The following ELL2 variants were observed in gnomAD, a reference collection of about 807,000 sequenced individuals.
ELL2 encodes elongation factor for RNA polymerase II 2, also known as RNA polymerase II elongation factor ELL2.
Under a neutral mutation model 72.8 loss-of-function variants are expected in ELL2, and 21 were observed. The observed-to-expected ratio is 0.29, with a 90% confidence interval of 0.20 to 0.42. ELL2 has a LOEUF of 0.42. Among genes scored for constraint, ELL2 ranks in the 10% least tolerant of loss-of-function variants. ELL2 has a pLI of 1.00. For synonymous variants in ELL2, 266 were observed against 283.2 expected (o/e 0.94, Z 0.61); for missense variants, 568 against 772.8 (o/e 0.73, Z 3.14).
chr5:95,948,413 G>C (rs560682371), intron 1 of ELL2, among the ~76,000 whole-genome samples: 46 of 110,944 alleles, frequency 4.1e-4, no homozygotes, highest in South Asian at 1.3e-3. Flanking sequence ...CTGGGCAACA[G>C]AGCGAGACTC....
intron 3 of ELL2, among the ~76,000 whole-genome samples, chr5:95,915,006 A>G (rs1749732657): frequency 6.6e-6 from 1 of 152,232 alleles, no homozygotes; most frequent in South Asian, 2.1e-4. Flanking sequence ...GCCTGAAAAC[A>G]AACTGGAATA....
intron 5 of ELL2, among the ~76,000 whole-genome samples, chr5:95,905,232 T>TAC (rs1330247193): frequency 7.4e-6 from 1 of 134,992 alleles, no homozygotes; most frequent in Non-Finnish European, 1.6e-5. Flanking sequence ...CACTTTGAGA[T>TAC]ACGCGCACAC....
chr5:95,928,068 G>C (rs1750461246), intron 2 of ELL2, among the ~76,000 whole-genome samples: 1 of 151,744 alleles, frequency 6.6e-6, no homozygotes, highest in Non-Finnish European at 1.5e-5. Context: ...TTGGTAGTTG[G>C]GTATTTCCAG....
intron 3 of ELL2, among the ~76,000 whole-genome samples, chr5:95,915,428 T>G (rs1197492134): frequency 6.6e-6 from 1 of 152,212 alleles, no homozygotes; most frequent in Non-Finnish European, 1.5e-5. Flanking sequence ...TGCTAATAAC[T>G]GTCTTTACAA....
intron 3 of ELL2, 68 bp downstream of exon 3, chr5:95,919,356 G>A: frequency 7.9e-6 from 12 of 1,527,266 alleles, no homozygotes; most frequent in Non-Finnish European, 1.1e-5. Context: ...GTATTGTATT[G>A]TTTAATTTTC....
rs749229242 is a variant in ELL2, at chr5:95,961,717, G to A, written c.5C>T (p.Ala2Val). The change falls in exon 1 of 12, where the codon GCG becomes GTG. Residue 2 changes from alanine (A) to valine (V), a missense_variant. Physicochemically the swap from Ala to Val is moderately conservative, Grantham distance 64. Coordinates refer to ENST00000237853, the MANE Select transcript of ELL2 (RefSeq NM_012081.6). Reference sequence around the variant, plus strand: ...CCGCAGGCCCCCTGTCCCCCCCGCCGCCATCTTAAACTCCCCGGGGTGCCG... The same window carrying A: ...CCGCAGGCCCCCTGTCCCCCCCGCCACCATCTTAAACTCCCCGGGGTGCCG... M[A>V]AGGTGGLREE... is the part of the protein sequence containing the mutation. 17 of 1,602,100 alleles carry A rather than the reference G, an allele frequency of 1.1e-5. No homozygotes were observed. Among genetic ancestry groups the A allele is most frequent in the Admixed American group, 8.5e-5 (5 of 58,902 alleles).
intron 1 of ELL2, among the ~76,000 whole-genome samples, chr5:95,959,407 C>G (rs565825420): frequency 1.3e-5 from 2 of 152,280 alleles, no homozygotes; most frequent in African/African-American, 4.8e-5. Context: ...CTTCACATCC[C>G]CAGACCTACC....
chr5:95,945,732 C>A (rs2112351761), intron 1 of ELL2, among the ~76,000 whole-genome samples: 1 of 152,172 alleles, frequency 6.6e-6, no homozygotes, highest in Non-Finnish European at 1.5e-5. Context: ...AGAGAGAATA[C>A]CCTGAGGAAA....
rs139796706 is a variant in ELL2, at chr5:95,929,989, C to T, written c.196-10444G>A. On this transcript the variant is annotated intron_variant, in intron 2 of 11. Coordinates refer to ENST00000237853, the MANE Select transcript of ELL2 (RefSeq NM_012081.6). ...GTATCTTCGTCTTTATTAAAACACT[C>T]GCCGAATACTCTGGCTTCACGAAAT... Among the ~76,000 whole-genome samples, 11 of 152,214 alleles carry T rather than the reference C, an allele frequency of 7.2e-5. No homozygotes were observed. In the South Asian group the frequency reaches 1.7e-3, roughly 23 times the overall value.
rs139310679 is a variant in ELL2, at chr5:95,957,053, T to G, written c.147+4522A>C. ...AGTAGCCCCTGCCCCCAAACACAAC[T>G]ATGCAAGACTGTTTATGTAATAGTC... On this transcript the variant is annotated intron_variant, in intron 1 of 11. Transcript: ENST00000237853. Among the ~76,000 whole-genome samples the G allele has an allele frequency of 5.9e-5, 9 of 152,290 alleles. No individual in the cohort carries two copies. The East Asian group carries it at 1.5e-3, about 26-fold the overall frequency.
rs1432984616 is a variant in ELL2, at chr5:95,946,950, G to A, written c.148-3901C>T. The stretch of plus-strand genomic sequence containing the variant: ...AGTGGTGAGTACCTGGAAAATGAAT[G>A]CCCAAAGGAAAAAAATCCAAATTTA... On this transcript the variant is annotated intron_variant, in intron 1 of 11. Transcript: ENST00000237853. 3.3e-5 allele frequency among the ~76,000 whole-genome samples: 5 copies of A among 152,108 alleles called. 1 individual carries two copies. The East Asian group carries it at 9.6e-4, about 29-fold the overall frequency.
rs924917803 is a variant in ELL2 at position 95,888,680 on chromosome 5, G to C, written c.*191C>G. The C allele has an allele frequency of 9.6e-6, 4 of 415,148 alleles. No homozygotes were observed. The highest frequency in any genetic ancestry group is 1.7e-5 in the Non-Finnish European group (4 of 237,908). The allele number at this position is 415,148 out of a possible 1,614,324, so 25.7% of individuals were successfully genotyped here. On this transcript the variant is annotated 3_prime_UTR_variant, in exon 12 of 12. Transcript: ENST00000237853. ...ACAAGTCTTGGGGGTGGGGTGGTGG[G>C]GAGGACCAGAAAGAGCAGCTTCGAA...
intron 8 of ELL2, among the ~76,000 whole-genome samples, chr5:95,896,094 G>A (rs1203720318): frequency 6.6e-6 from 1 of 152,218 alleles, no homozygotes; most frequent in East Asian, 1.9e-4. Context: ...AAACAAGGCG[G>A]ATGAGACAAT....
At chr5:95,950,904 G>GTATA (rs869036736) in intron 1 of ELL2, among the ~76,000 whole-genome samples, 494 of 46,334 alleles carry the variant, frequency 0.011, 1 homozygote, top group Non-Finnish European at 0.015. Flanking sequence ...GTATGTATGT[G>GTATA]TATATATATA....
intron 2 of ELL2, among the ~76,000 whole-genome samples, chr5:95,935,744 G>A (rs1045929840): frequency 2.6e-5 from 4 of 152,102 alleles, no homozygotes; most frequent in Non-Finnish European, 4.4e-5. Context: ...TGCTCTTTTC[G>A]TCTATTTCAG....
intron 1 of ELL2, among the ~76,000 whole-genome samples, chr5:95,956,697 A>C (rs749177262): frequency 6.6e-6 from 1 of 152,214 alleles, no homozygotes; most frequent in Non-Finnish European, 1.5e-5. Flanking sequence ...CACCTGGTAG[A>C]AAAAAAGGAT....
At position 95,961,583 on chromosome 5, in the gene ELL2, T is replaced by G. The variant is rs1187334382; in HGVS notation, c.139A>C (p.Ser47Arg). The change falls in exon 1 of 12, where the codon AGC becomes CGC. Residue 47 changes from serine (S) to arginine (R), a missense_variant. By Grantham distance (110) the Ser-to-Arg change is moderately radical (BLOSUM62 -1). Coordinates refer to ENST00000237853, the MANE Select transcript of ELL2 (RefSeq NM_012081.6). ...CCGGCCGGCCCGCTCACCTTGTGGC[T>G]CTGGTAAGTCTCGAGCGCCCGGATC... is the stretch of plus-strand genomic sequence containing the variant. ...TAIRALETYQ[S>R]HKNLIPFRPS... is the part of the protein sequence containing the mutation. 1 of 1,595,972 alleles carries G rather than the reference T, an allele frequency of 6.3e-7. No homozygotes were observed. Among genetic ancestry groups the G allele is most frequent in the Non-Finnish European group, 8.5e-7 (1 of 1,173,000 alleles).
At chr5:95,960,625 G>A (rs1751798483) in intron 1 of ELL2, among the ~76,000 whole-genome samples, 1 of 152,000 alleles carries the variant, frequency 6.6e-6, no homozygotes, top group Non-Finnish European at 1.5e-5. Context: ...TTCTGGCTCT[G>A]GCTCGTTCCC....
rs1237922381 is a variant in ELL2, at chr5:95,913,814, G to A, written c.438C>T (p.Arg146=). Residue 146 remains arginine, a synonymous_variant, in exon 4 of 12, where the codon CGC becomes CGT. Coordinates refer to ENST00000237853, the MANE Select transcript of ELL2 (RefSeq NM_012081.6). The stretch of plus-strand genomic sequence containing the variant: ...GTTTGATAACTTTTGTGCTTCGGTT[G>A]CGGGATTCCTCCTCTGCCTGGGTCA... ...ERMTQAEEES[R]NRSTKVIKPG... 6.2e-6 allele frequency: 10 copies of A among 1,612,518 alleles called. No individual in the cohort carries two copies. The South Asian group carries it at 1.1e-4, about 18-fold the overall frequency.
Sources: allele counts gnomAD v4.1 joint callset (sites outside exome capture counted in the v4.1 genomes callset), GRCh38; gene constraint gnomAD v4.1.1; transcripts MANE v1.5; gene names NCBI Gene and HGNC (gene_info 2026-07-23, HGNC 2026-07-21).